KCND2: variants seen among roughly 807,000 people sequenced by gnomAD.
KCND2 encodes A-type voltage-gated potassium channel KCND2.
KCND2 carries 16 observed loss-of-function variants against 54.4 expected under a neutral mutation model. That is an observed-to-expected ratio of 0.29 (90% CI 0.20 to 0.45). The LOEUF is 0.45. KCND2 is among the 20% of genes least tolerant of loss of function. The pLI is 1.00. For missense variants in KCND2, 486 were observed against 824.2 expected (o/e 0.59, Z 5.02); for synonymous variants, 317 against 310.7 (o/e 1.02, Z -0.21).
At chr7:120,678,343 T>TTTTATATA (rs10632075) in intron 1 of KCND2, among the ~76,000 whole-genome samples, 1 of 120,274 alleles carries the variant, frequency 8.3e-6, no homozygotes, top group South Asian at 2.7e-4. Flanking sequence ...GTATGATTAT[T>TTTTATATA]TATATATATA....
At chr7:120,425,048 C>A (rs1298971687) in intron 1 of KCND2, among the ~76,000 whole-genome samples, 6 of 152,320 alleles carry the variant, frequency 3.9e-5, no homozygotes, top group Non-Finnish European at 5.9e-5. Context: ...AGAATCATTT[C>A]TCTCTTCCTG....
At chr7:120,710,253 A>C (rs1294735294) in intron 1 of KCND2, among the ~76,000 whole-genome samples, 1 of 152,204 alleles carries the variant, frequency 6.6e-6, no homozygotes, top group African/African-American at 2.4e-5. Context: ...AAGGAGGCAC[A>C]TACATATGTT....
intron 1 of KCND2, among the ~76,000 whole-genome samples, chr7:120,290,576 ATAT>A (rs1239725736): frequency 2.6e-5 from 4 of 152,010 alleles, no homozygotes; most frequent in African/African-American, 4.8e-5. Context: ...TCATCAGGAA[ATAT>A]TATACCCTTG....
At chr7:120,378,359 A>G (rs1336922689) in intron 1 of KCND2, among the ~76,000 whole-genome samples, 2 of 151,950 alleles carry the variant, frequency 1.3e-5, no homozygotes, top group African/African-American at 4.8e-5. Context: ...AACATTTGAA[A>G]TGTAAATTTT....
At chr7:120,341,185 A>C (rs1304234533) in intron 1 of KCND2, among the ~76,000 whole-genome samples, 1 of 152,178 alleles carries the variant, frequency 6.6e-6, no homozygotes, top group Non-Finnish European at 1.5e-5. Context: ...AAGCAAAGTC[A>C]TGAACTGAGA....
intron 2 of KCND2, 41 bp from the exon 3 acceptor site, chr7:120,741,493 A>G (rs1391090011): frequency 7.4e-7 from 1 of 1,358,376 alleles, no homozygotes; most frequent in Non-Finnish European, 1.1e-6. Context: ...TAAGGAAACG[A>G]TTTATAAATG....
At chr7:120,644,041 T>G (rs1263599662) in intron 1 of KCND2, among the ~76,000 whole-genome samples, 1 of 152,104 alleles carries the variant, frequency 6.6e-6, no homozygotes, top group East Asian at 1.9e-4. Context: ...TGAAAGTGTG[T>G]GTGTATGATA....
chr7:120,649,681 A>G (rs982025278), intron 1 of KCND2, among the ~76,000 whole-genome samples: 3 of 152,108 alleles, frequency 2.0e-5, no homozygotes, highest in African/African-American at 7.2e-5. Context: ...TCAAATGAGT[A>G]GTTTGCAAAA....
intron 1 of KCND2, among the ~76,000 whole-genome samples, chr7:120,316,074 T>A (rs1434804752): frequency 6.6e-6 from 1 of 152,104 alleles, no homozygotes; most frequent in Non-Finnish European, 1.5e-5. Context: ...ATTTGTTTAT[T>A]CCAAAAAACT....
intron 1 of KCND2, among the ~76,000 whole-genome samples, chr7:120,319,725 T>C (rs1229457824): frequency 6.6e-6 from 1 of 152,172 alleles, no homozygotes; most frequent in Admixed American, 6.6e-5. Context: ...AGATAAGTTG[T>C]GTCAAGAAAC....
chr7:120,509,997 G>A (rs945880603), intron 1 of KCND2, among the ~76,000 whole-genome samples: 1 of 151,978 alleles, frequency 6.6e-6, no homozygotes, highest in African/African-American at 2.4e-5. Context: ...GACCCTACAG[G>A]AAGCAATCCC....
At chr7:120,282,825 G>C (rs1799286106) in intron 1 of KCND2, among the ~76,000 whole-genome samples, 1 of 152,114 alleles carries the variant, frequency 6.6e-6, no homozygotes, top group Non-Finnish European at 1.5e-5. Context: ...GTGGCTCACA[G>C]AGTTCAATTC....
At chr7:120,379,027 A>T (rs1383862906) in intron 1 of KCND2, among the ~76,000 whole-genome samples, 1 of 152,062 alleles carries the variant, frequency 6.6e-6, no homozygotes, top group Admixed American at 6.6e-5. Flanking sequence ...TTAAAGGCAG[A>T]CAGATCTCTA....
At chr7:120,499,082 A>G (rs1802893583) in intron 1 of KCND2, among the ~76,000 whole-genome samples, 1 of 152,144 alleles carries the variant, frequency 6.6e-6, no homozygotes, top group Non-Finnish European at 1.5e-5. Context: ...AGCAGTTCAT[A>G]TGCATGATTC....
chr7:120,293,896 T>C (rs1183435924), intron 1 of KCND2, among the ~76,000 whole-genome samples: 2 of 151,934 alleles, frequency 1.3e-5, no homozygotes, highest in Admixed American at 1.3e-4. Context: ...TAATGTCAAC[T>C]GTGAGTCTAG....
intron 1 of KCND2, among the ~76,000 whole-genome samples, chr7:120,528,441 A>C (rs1791803562): frequency 6.6e-6 from 1 of 152,132 alleles, no homozygotes; most frequent in African/African-American, 2.4e-5. Flanking sequence ...TTATTAAATC[A>C]ATCCACTTAA....
chr7:120,349,213 C>A (rs1800366092), intron 1 of KCND2, among the ~76,000 whole-genome samples: 1 of 152,036 alleles, frequency 6.6e-6, no homozygotes, highest in Admixed American at 6.6e-5. Context: ...TTTTCTGATG[C>A]CTTTATGTGG....
chr7:120,461,144 A>T (rs1274899895), intron 1 of KCND2, among the ~76,000 whole-genome samples: 1 of 152,088 alleles, frequency 6.6e-6, no homozygotes, highest in Non-Finnish European at 1.5e-5. Flanking sequence ...CTGTGTTGAC[A>T]TTAGTACCTT....
chr7:120,664,678 A>G (rs1289991585), intron 1 of KCND2, among the ~76,000 whole-genome samples: 1 of 152,084 alleles, frequency 6.6e-6, no homozygotes, highest in African/African-American at 2.4e-5. Flanking sequence ...TGTGTCAAGG[A>G]CAATTATGTT....
Sources: gnomAD v4.1 joint callset for allele counts (sites outside exome capture counted in the v4.1 genomes callset) on GRCh38, gnomAD v4.1.1 for gene constraint, MANE v1.5 for transcripts, NCBI Gene and HGNC (gene_info 2026-07-23, HGNC 2026-07-21) for gene names.